AGBL5: variants seen among roughly 807,000 people sequenced by gnomAD.
The protein encoded by AGBL5 is cytosolic carboxypeptidase-like protein 5.
Under a neutral mutation model 88.0 loss-of-function variants are expected in AGBL5, and 51 were observed. The ratio of observed to expected loss-of-function variants is 0.58; its 90% CI spans 0.46 to 0.73. The LOEUF (loss-of-function observed/expected upper bound fraction) is 0.73, where lower values mean the gene tolerates loss of function less well. AGBL5 is among the 30% of genes least tolerant of loss of function. The pLI, the probability that AGBL5 is intolerant of heterozygous loss-of-function variation, is 0.00. For missense variants in AGBL5, 1,031 were observed against 1,162.2 expected, an observed-to-expected ratio of 0.89 and a Z score of 1.64; for synonymous variants, 446 against 438.8, an observed-to-expected ratio of 1.02 and a Z score of -0.21.
At chr2:27,061,416 T>C (rs1444491636) in intron 11 of AGBL5, among the ~76,000 whole-genome samples, 2 of 152,136 alleles carry the variant, frequency 1.3e-5, no homozygotes, top group Non-Finnish European at 2.9e-5. Context: ...TTTGTACTTT[T>C]AGTAGAGACG....
At position 27,053,622 on chromosome 2, in the gene AGBL5, G is replaced by A. The variant is rs746565086; in HGVS notation, c.387+49G>A. ...GAAAGACTTGGGTGCTAAAAGTAGA[G>A]AGGAAAGTAAAGCGTTTTTTTTTCC... On this transcript the variant is annotated intron_variant, in intron 3 of 14. Coordinates refer to ENST00000360131, the MANE Select transcript of AGBL5 (RefSeq NM_021831.6). This position sits in a 1 kb window ranked among gnomAD's most constrained non-coding sequence, Gnocchi z 4.9. 2 of 1,570,180 alleles carry A rather than the reference G, an allele frequency of 1.3e-6. No homozygotes were observed. Among genetic ancestry groups the A allele is most frequent in the Non-Finnish European group, 1.7e-6 (2 of 1,162,040 alleles).
chr2:27,053,591 A>T lies in AGBL5; in HGVS notation c.387+18A>T. 2 of 1,596,170 alleles carry T rather than the reference A, an allele frequency of 1.3e-6. No homozygotes were observed. Among genetic ancestry groups the T allele is most frequent in the Middle Eastern group, 1.7e-4 (1 of 5,738 alleles). On this transcript the variant is annotated intron_variant, in intron 3 of 14. Coordinates refer to ENST00000360131, the MANE Select transcript of AGBL5 (RefSeq NM_021831.6). The surrounding 1 kb of genome is among the most constrained non-coding windows in gnomAD (Gnocchi z 4.9). ...CCTTTGAGGTAAGTTCTCCATGAGG[A>T]GGAAAGAAAGACTTGGGTGCTAAAA...
intron 11 of AGBL5, among the ~76,000 whole-genome samples, chr2:27,066,588 A>C (rs1669000507): frequency 2.0e-5 from 3 of 152,196 alleles, no homozygotes; most frequent in African/African-American, 7.2e-5. Context: ...GAAGAGAAGC[A>C]ATCAGTGGTA....
At chr2:27,058,950 G>A (rs1033935359) in intron 10 of AGBL5, among the ~76,000 whole-genome samples, 1 of 152,182 alleles carries the variant, frequency 6.6e-6, no homozygotes, top group Non-Finnish European at 1.5e-5. Flanking sequence ...AAGGCAGTAG[G>A]GGTGAAATTC....
chr2:27,055,224 C>A lies in AGBL5; in HGVS notation c.879C>A (p.Asn293Lys). 1 of 1,614,212 alleles carries A rather than the reference C, an allele frequency of 6.2e-7. No individual in the cohort carries two copies. The highest frequency in any genetic ancestry group is 8.5e-7 in the Non-Finnish European group (1 of 1,180,034). The change falls in exon 6 of 15, where the codon AAC (asparagine) becomes AAA (lysine). Residue 293 changes from asparagine to lysine, a missense_variant. Around this residue, in one of 2 missense-constraint regions of AGBL5, gnomAD observed 540 missense variants for 678.2 expected, o/e 0.80. Coordinates refer to ENST00000360131, the MANE Select transcript of AGBL5 (RefSeq NM_021831.6). ...LFVFKLIPML[N>K]PDGVVRGHYR... Reference sequence around the variant, plus strand: ...TCTTTAAGCTGATTCCCATGTTGAACCCCGATGGTGTGGTCCGGGGACACT... The same window carrying A: ...TCTTTAAGCTGATTCCCATGTTGAAACCCGATGGTGTGGTCCGGGGACACT...
chr2:27,060,670 G>A lies in AGBL5; in HGVS notation c.2089+1266G>A, dbSNP rs373646787. Among the ~76,000 whole-genome samples, 60 of 152,314 alleles carry A rather than the reference G, an allele frequency of 3.9e-4. 1 individual carries two copies. In the East Asian group the frequency reaches 6.2e-3, roughly 16 times the overall value. ...TCTGACTGCTAGTGAGAGAAGCCATGGAGGAGAGGGCAATGGTCCTTACCA... is the reference window on the plus strand; with the variant it reads ...TCTGACTGCTAGTGAGAGAAGCCATAGAGGAGAGGGCAATGGTCCTTACCA... On this transcript the variant is annotated intron_variant, in intron 11 of 14. Transcript: ENST00000360131.
chr2:27,050,528 C>T (rs1241022669), upstream of AGBL5, among the ~76,000 whole-genome samples: 1 of 152,256 alleles, frequency 6.6e-6, no homozygotes, highest in African/African-American at 2.4e-5. Flanking sequence ...GGAGAAACCA[C>T]CGCGGGGTGT....
At chr2:27,051,302 C>T (rs969478991), upstream of AGBL5, 3 of 152,214 alleles carry the variant, frequency 2.0e-5, no homozygotes, top group Admixed American at 1.3e-4. Flanking sequence ...CTTTTGCGTC[C>T]GTCACACTAC....
chr2:27,056,592 CCTT>C (rs777994298), intron 7 of AGBL5, 28 bp from the exon 8 acceptor site: 9 of 1,572,020 alleles, frequency 5.7e-6, no homozygotes, highest in East Asian at 2.3e-5. Context: ...TTCTGTCTCT[CCTT>C]CTGAGTTGAC....
In AGBL5 at chr2:27,070,098, T is replaced by A. The variant is rs755598315; in HGVS notation, c.2496T>A (p.Pro832=). The A allele has an allele frequency of 1.2e-5, 19 of 1,611,586 alleles. No individual in the cohort carries two copies. In the South Asian group the frequency reaches 1.8e-4, roughly 15 times the overall value. Residue 832 remains proline (P), a synonymous_variant, in exon 15 of 15, where the codon CCT becomes CCA. Coordinates refer to ENST00000360131, the MANE Select transcript of AGBL5 (RefSeq NM_021831.6). ...TCTCTCTTTTCTGTTGCAGGCTGCC[T>A]CAGGCCAGGCCCCCACGGCCCCGCT... ...LGSCSATPGL[P]QARPPRPRSA...
chr2:27,052,112 C>A (rs1230693442), intron 1 of AGBL5: 1 of 152,386 alleles, frequency 6.6e-6, no homozygotes, highest in African/African-American at 2.4e-5. Context: ...CCTCCTTCCC[C>A]CGAGTGGGAC....
Position 27,057,290 on chromosome 2 carries a change from C to T in AGBL5, c.1536-13C>T, listed in dbSNP as rs1668484499. ...GTTCAGGCGGGACACTGATAAAGGTCTTTATGTCTTAGCTACACACTTGAA... is the reference window on the plus strand; with the variant it reads ...GTTCAGGCGGGACACTGATAAAGGTTTTTATGTCTTAGCTACACACTTGAA... On this transcript the variant is annotated splice_polypyrimidine_tract_variant and intron_variant, in intron 8 of 14. Transcript: ENST00000360131. The T allele has an allele frequency of 2.5e-6, 4 of 1,608,874 alleles. No homozygotes were observed. Among genetic ancestry groups the T allele is most frequent in the Admixed American group, 1.7e-5 (1 of 59,520 alleles).
chr2:27,058,502 T>C lies in AGBL5; in HGVS notation c.1774T>C (p.Trp592Arg), dbSNP rs1300958079. The change falls in exon 10 of 15, where the codon TGG becomes CGG. Residue 592 changes from tryptophan (W) to arginine (R), a missense_variant. By Grantham distance (101) the Trp-to-Arg change is moderately radical. Around this residue, in one of 2 missense-constraint regions of AGBL5, gnomAD observed 491 missense variants for 484.0 expected, o/e 1.01. Coordinates refer to ENST00000360131, the MANE Select transcript of AGBL5 (RefSeq NM_021831.6). ...EHSSLTNLRAWMLKHVRNSRG... is the reference protein window; with the variant it reads ...EHSSLTNLRARMLKHVRNSRG... Reference sequence around the variant, plus strand: ...CAGCAGCCTTACTAATCTACGGGCCTGGATGCTGAAACATGTACGCAACAG... The same window carrying C: ...CAGCAGCCTTACTAATCTACGGGCCCGGATGCTGAAACATGTACGCAACAG... 2 of 1,614,168 alleles carry C rather than the reference T, an allele frequency of 1.2e-6. No homozygotes were observed. Among genetic ancestry groups the C allele is most frequent in the Non-Finnish European group, 1.7e-6 (2 of 1,180,042 alleles).
At chr2:27,051,214 G>A (rs955136416), upstream of AGBL5, among the ~76,000 whole-genome samples, 30 of 152,314 alleles carry the variant, frequency 2.0e-4, no homozygotes, top group African/African-American at 5.5e-4. Context: ...AGCAGCAGGC[G>A]GGGGATTAGC....
intron 11 of AGBL5, among the ~76,000 whole-genome samples, chr2:27,059,865 C>T (rs949086293): frequency 1.3e-5 from 2 of 152,166 alleles, no homozygotes; most frequent in South Asian, 2.1e-4. Context: ...GAAGTGATAC[C>T]GGGCTGGGTG....
Position 27,068,202 on chromosome 2 carries a change from A to C in AGBL5, c.2243-430A>C, listed in dbSNP as rs893277050. On this transcript the variant is annotated intron_variant, in intron 12 of 14. Coordinates refer to ENST00000360131, the MANE Select transcript of AGBL5 (RefSeq NM_021831.6). ...CTGTCAACTCTCCTCAATGGGTAGC[A>C]CTGAACCCACCAGTCCTGGGTAGAG... 2.6e-5 allele frequency among the ~76,000 whole-genome samples: 4 copies of C among 152,212 alleles called. No homozygotes were observed. The South Asian group carries it at 8.3e-4, about 32-fold the overall frequency.
chr2:27,053,970 C>T lies in AGBL5; in HGVS notation c.462C>T (p.Ala154=), dbSNP rs751215304. The T allele has an allele frequency of 6.2e-7, 1 of 1,614,188 alleles. No individual in the cohort carries two copies. The highest frequency in any genetic ancestry group is 2.2e-5 in the East Asian group (1 of 44,882). The change falls in exon 4 of 15, where the codon GCC becomes GCT. Residue 154 remains alanine, a synonymous_variant. Coordinates refer to ENST00000360131, the MANE Select transcript of AGBL5 (RefSeq NM_021831.6). The surrounding 1 kb of genome is among the most constrained non-coding windows in gnomAD (Gnocchi z 4.9). The part of the protein sequence containing the change: ...VEGRGATTFF[A]FCYPFSYSDC... Reference sequence around the variant, plus strand: ...GCCGTGGGGCCACCACCTTCTTCGCCTTCTGCTACCCCTTCTCCTACAGTG... The same window carrying T: ...GCCGTGGGGCCACCACCTTCTTCGCTTTCTGCTACCCCTTCTCCTACAGTG...
At chr2:27,062,145 C>T (rs573807567) in intron 11 of AGBL5, among the ~76,000 whole-genome samples, 2 of 92,802 alleles carry the variant, frequency 2.2e-5, no homozygotes, top group South Asian at 3.7e-4. Flanking sequence ...TTTTTTGAGA[C>T]GGAATTTCAC....
chr2:27,069,509 G>A (rs1454511763), intron 13 of AGBL5, 64 bp from the exon 14 acceptor site: 8 of 1,585,204 alleles, frequency 5.0e-6, no homozygotes, highest in Non-Finnish European at 6.9e-6. Context: ...AACTCTAGAA[G>A]CAAACTAAAA....
Sources: allele counts gnomAD v4.1 joint callset (sites outside exome capture counted in the v4.1 genomes callset), GRCh38; gene constraint gnomAD v4.1.1; regional missense constraint gnomAD v4.1.1; non-coding constraint Gnocchi (gnomAD v3.1); transcripts MANE v1.5; gene names NCBI Gene and HGNC (gene_info 2026-07-23, HGNC 2026-07-21).